RASSF3: variants seen among roughly 807,000 people sequenced by gnomAD.
The protein encoded by RASSF3 is Ras association domain family member 3.
Under a neutral mutation model 19.9 loss-of-function variants are expected in RASSF3, and 19 were observed. That is an observed-to-expected ratio of 0.96 (90% CI 0.67 to 1.40). RASSF3 has a LOEUF of 1.40. RASSF3 is among the 40% of genes most tolerant of loss of function. RASSF3 has a pLI of 0.00. For synonymous variants in RASSF3, 110 were observed against 104.2 expected, an observed-to-expected ratio of 1.06 and a Z score of -0.34; for missense variants, 306 against 289.8, an observed-to-expected ratio of 1.06 and a Z score of -0.41.
At chr12:64,665,227 AT>A (rs1388254551) in intron 1 of RASSF3, among the ~76,000 whole-genome samples, 2 of 152,156 alleles carry the variant, frequency 1.3e-5, no homozygotes, top group Non-Finnish European at 2.9e-5. Context: ...TAGTCCCTCC[AT>A]TTCCATTTTC....
At chr12:64,539,440 G>A (rs577814326) in intron 1 of RASSF3, among the ~76,000 whole-genome samples, 1 of 152,250 alleles carries the variant, frequency 6.6e-6, no homozygotes, top group South Asian at 2.1e-4. Flanking sequence ...AACCATAGCA[G>A]AATCATAACA....
chr12:64,547,600 G>C (rs887380907), intron 2 of RASSF3, among the ~76,000 whole-genome samples: 2 of 151,734 alleles, frequency 1.3e-5, no homozygotes, highest in African/African-American at 2.4e-5. Flanking sequence ...GGGAAGGAAG[G>C]ACGGAAGGAA....
At chr12:64,615,383 G>A (rs1357658952) in intron 1 of RASSF3, among the ~76,000 whole-genome samples, 1 of 152,142 alleles carries the variant, frequency 6.6e-6, no homozygotes, top group Admixed American at 6.6e-5. Flanking sequence ...TGAGAAACGT[G>A]AAATTGTCTT....
At chr12:64,673,974 G>C (rs537830783) in intron 1 of RASSF3, among the ~76,000 whole-genome samples, 1 of 152,100 alleles carries the variant, frequency 6.6e-6, no homozygotes, top group South Asian at 2.1e-4. Flanking sequence ...ACCATATAGG[G>C]TATGGAGGGC....
chr12:64,690,041 A>G lies in RASSF3; in HGVS notation c.458-1429A>G, dbSNP rs377346965. 5.3e-5 allele frequency among the ~76,000 whole-genome samples: 8 copies of G among 152,086 alleles called. No homozygotes were observed. The South Asian group carries it at 6.2e-4, about 12-fold the overall frequency. ...CCTGACCTTGTGATCCGCCCGCCTCAGCCTCCCAAAGTGCTGGGATTGCAG... is the reference window on the plus strand; with the variant it reads ...CCTGACCTTGTGATCCGCCCGCCTCGGCCTCCCAAAGTGCTGGGATTGCAG... On this transcript the variant is annotated intron_variant, in intron 3 of 4. Coordinates refer to ENST00000542104, the MANE Select transcript of RASSF3 (RefSeq NM_178169.4).
chr12:64,680,901 C>T (rs190495946), intron 1 of RASSF3, among the ~76,000 whole-genome samples: 4 of 152,240 alleles, frequency 2.6e-5, no homozygotes, highest in Non-Finnish European at 4.4e-5. Context: ...TGTGAGCCAC[C>T]GCGCCCAGCC....
intron 1 of RASSF3, among the ~76,000 whole-genome samples, chr12:64,679,995 C>T (rs1289073583): frequency 1.3e-5 from 2 of 152,130 alleles, no homozygotes; most frequent in African/African-American, 4.8e-5. Flanking sequence ...TGTATCTATT[C>T]CACGTCCGCT....
intron 1 of RASSF3, among the ~76,000 whole-genome samples, chr12:64,519,992 TGTC>T (rs1363302569): frequency 6.6e-6 from 1 of 152,046 alleles, no homozygotes; most frequent in East Asian, 1.9e-4. Context: ...TTCCTCACCC[TGTC>T]TGTCAAATGG....
intron 2 of RASSF3, among the ~76,000 whole-genome samples, chr12:64,579,772 T>G (rs1012609800): frequency 4.0e-5 from 6 of 151,740 alleles, no homozygotes; most frequent in African/African-American, 1.5e-4. Context: ...GAAGATGGAC[T>G]ATGCTGAGTA....
chr12:64,619,805 C>T (rs1870683031), intron 1 of RASSF3, among the ~76,000 whole-genome samples: 1 of 151,858 alleles, frequency 6.6e-6, no homozygotes, highest in African/African-American at 2.4e-5. Context: ...TATAGTGAAA[C>T]CCCGTCTCTA....
At chr12:64,570,956 G>A (rs1869508250) in intron 2 of RASSF3, among the ~76,000 whole-genome samples, 1 of 152,130 alleles carries the variant, frequency 6.6e-6, no homozygotes. Context: ...AGTGGCTCAT[G>A]CCTGTAATCC....
At chr12:64,642,559 CAAAAAAAAAAAAAAAAA>C (rs67771603) in intron 1 of RASSF3, among the ~76,000 whole-genome samples, 2 of 43,992 alleles carry the variant, frequency 4.5e-5, no homozygotes, top group African/African-American at 1.6e-4. Context: ...GACTCCATCT[CAAAAAAAAAAAAAAAAA>C]AAAAAAAAAA....
rs536527150 is a variant in RASSF3, at chr12:64,655,884, G to A, written c.112-28903G>A. Among the ~76,000 whole-genome samples the A allele has an allele frequency of 5.3e-5, 8 of 151,862 alleles. No homozygotes were observed. The East Asian group carries it at 5.8e-4, about 11-fold the overall frequency. ...TCTACTAAAAATATGAAAATTAGCC[G>A]GGCGTGATTGTGGGTGCCTGTAATC... On this transcript the variant is annotated intron_variant, in intron 1 of 4. Transcript: ENST00000542104.
intron 2 of RASSF3, among the ~76,000 whole-genome samples, chr12:64,572,587 T>C (rs535834613): frequency 1.3e-5 from 2 of 152,260 alleles, no homozygotes; most frequent in South Asian, 4.1e-4. Context: ...GCCACATCTG[T>C]TCTGCACATC....
At chr12:64,596,973 C>T (rs1870008129) in intron 2 of RASSF3, among the ~76,000 whole-genome samples, 1 of 151,942 alleles carries the variant, frequency 6.6e-6, no homozygotes, top group Non-Finnish European at 1.5e-5. Context: ...AGGTGATCCA[C>T]CCAGGCTGAT....
intron 1 of RASSF3, among the ~76,000 whole-genome samples, chr12:64,667,327 C>A (rs1256811471): frequency 6.6e-6 from 1 of 151,012 alleles, no homozygotes; most frequent in East Asian, 1.9e-4. Context: ...TGTGTATTTT[C>A]TTTCTTTCTT....
intron 1 of RASSF3, among the ~76,000 whole-genome samples, chr12:64,624,913 C>T (rs990948006): frequency 4.7e-5 from 7 of 150,526 alleles, no homozygotes; most frequent in East Asian, 2.0e-4. Context: ...GCGATCTGCC[C>T]GCCTCGGCCT....
In RASSF3 at chr12:64,696,863, C is replaced by G. The variant is rs1353136704; in HGVS notation, c.*1951C>G. 6.6e-6 allele frequency: 1 copy of G among 152,070 alleles called. No homozygotes were observed. The highest frequency in any genetic ancestry group is 1.5e-5 in the Non-Finnish European group (1 of 68,012). 9.4% of individuals were successfully genotyped at this position (152,070 alleles called of 1,614,324 possible). ...GTGACATTGTCATCCAACACTTTAC[C>G]TTTATTGTTCAGGGAATGCCTTCGT... On this transcript the variant is annotated 3_prime_UTR_variant, in exon 5 of 5. Coordinates refer to ENST00000542104, the MANE Select transcript of RASSF3 (RefSeq NM_178169.4).
chr12:64,614,860 G>A (rs1424409241), intron 1 of RASSF3, among the ~76,000 whole-genome samples: 1 of 150,608 alleles, frequency 6.6e-6, no homozygotes, highest in Non-Finnish European at 1.5e-5. Flanking sequence ...GCCAGGCCTG[G>A]CTTTTTTTTT....
Sources: gnomAD v4.1 joint callset for allele counts (sites outside exome capture counted in the v4.1 genomes callset) on GRCh38, gnomAD v4.1.1 for gene constraint, MANE v1.5 for transcripts, NCBI Gene and HGNC (gene_info 2026-07-23, HGNC 2026-07-21) for gene names.